IGHMBP2: variants seen among roughly 807,000 people sequenced by gnomAD.
The protein encoded by IGHMBP2 is DNA-binding protein SMUBP-2.
A neutral mutation model predicts 96.0 loss-of-function variants in IGHMBP2; 81 were observed. That is an observed-to-expected ratio of 0.84 (90% confidence interval 0.71 to 1.01). The LOEUF (loss-of-function observed/expected upper bound fraction) is 1.01. Among genes scored for constraint, IGHMBP2 ranks in the 50% least tolerant of loss-of-function variants. The probability of loss-of-function intolerance (pLI) is 0.00; values close to 1 mark genes in which losing one functional copy is unlikely to be tolerated. For synonymous variants in IGHMBP2, 557 were observed against 548.9 expected (o/e 1.01, Z -0.21); for missense variants, 1,227 against 1,306.3 (o/e 0.94, Z 0.94).
rs1225576371 is a variant in IGHMBP2, at chr11:68,936,595, A to C, written c.2115A>C (p.Glu705Asp). The C allele has an allele frequency of 6.2e-7, 1 of 1,612,908 alleles. No individual in the cohort carries two copies. The highest frequency in any genetic ancestry group is 1.1e-5 in the South Asian group (1 of 91,076). The change falls in exon 13 of 15, where the codon GAA becomes GAC. Residue 705 changes from glutamate (E) to aspartate (D), a missense_variant. By Grantham distance (45) the Glu-to-Asp change is conservative. Around this residue, in one of 3 missense-constraint regions of IGHMBP2, gnomAD observed 703 missense variants for 770.3 expected, o/e 0.91. Coordinates refer to ENST00000255078, the MANE Select transcript of IGHMBP2 (RefSeq NM_002180.3). ...KKPAGKSLAS[E>D]APSQPSLNGG... Reference sequence around the variant, plus strand: ...CGGCTGGGAAGTCTCTGGCCTCTGAAGCTCCATCTCAGCCCAGCCTCAACG... The same window carrying C: ...CGGCTGGGAAGTCTCTGGCCTCTGACGCTCCATCTCAGCCCAGCCTCAACG...
At chr11:68,929,103 G>C in intron 7 of IGHMBP2, 80 bp from the exon 8 acceptor site, 1 of 1,298,330 alleles carries the variant, frequency 7.7e-7, no homozygotes, top group Non-Finnish European at 1.1e-6. Context: ...ACCCCAGCTT[G>C]ATGGTGTCTC....
In IGHMBP2 at chr11:68,938,178, C is replaced by T. The variant is rs1859624339; in HGVS notation, c.2612-4C>T. 6.2e-7 allele frequency: 1 copy of T among 1,614,016 alleles called. No individual in the cohort carries two copies. The highest frequency in any genetic ancestry group is 8.5e-7 in the Non-Finnish European group (1 of 1,180,010). On this transcript the variant is annotated splice_polypyrimidine_tract_variant and splice_region_variant and intron_variant, in intron 13 of 14. Coordinates refer to ENST00000255078, the MANE Select transcript of IGHMBP2 (RefSeq NM_002180.3). The stretch of plus-strand genomic sequence containing the variant: ...TTTGCCTGAGTGACGCGGGTCTTCT[C>T]CAGGACATCCGGCCACAGATCTGCC...
At chr11:68,904,244 C>T (rs936943042) in intron 1 of IGHMBP2, among the ~76,000 whole-genome samples, 2 of 152,196 alleles carry the variant, frequency 1.3e-5, no homozygotes, top group African/African-American at 4.8e-5. Context: ...CGTTTGGGGA[C>T]CCTTAAGAAG....
chr11:68,913,379 C>T (rs753645811), intron 5 of IGHMBP2, among the ~76,000 whole-genome samples: 16 of 152,058 alleles, frequency 1.1e-4, no homozygotes, highest in Non-Finnish European at 1.5e-4. Context: ...GGGTTGGAGG[C>T]GATGCTGGGC....
intron 11 of IGHMBP2, 25 bp downstream of exon 11, chr11:68,934,583 C>CG (rs1453809773): frequency 6.5e-7 from 1 of 1,533,736 alleles, no homozygotes; most frequent in African/African-American, 1.4e-5. Flanking sequence ...TTTTGTCCCT[C>CG]TACAGAGCAG....
At chr11:68,916,338 G>A (rs1304453912) in intron 6 of IGHMBP2, among the ~76,000 whole-genome samples, 2 of 152,158 alleles carry the variant, frequency 1.3e-5, no homozygotes, top group African/African-American at 4.8e-5. Flanking sequence ...GAGGACACCA[G>A]TCGGCTGGAG....
chr11:68,925,142 C>CTTT (rs921409570), intron 7 of IGHMBP2, among the ~76,000 whole-genome samples: 48 of 108,674 alleles, frequency 4.4e-4, no homozygotes, highest in Non-Finnish European at 6.5e-4. Context: ...AGTCCAGGTT[C>CTTT]TTTTTTTTTT....
chr11:68,916,306 A>C (rs17149462), intron 6 of IGHMBP2, among the ~76,000 whole-genome samples: 6,761 of 152,270 alleles, frequency 0.044, 199 homozygotes, highest in Middle Eastern at 0.071. Flanking sequence ...CTTTCCGTCC[A>C]TTCCACCTTC....
chr11:68,906,047 A>G (rs576739491), intron 1 of IGHMBP2, 22 bp from the exon 2 acceptor site: 2 of 1,612,752 alleles, frequency 1.2e-6, no homozygotes, highest in East Asian at 2.2e-5. Flanking sequence ...ATCCTGAAGC[A>G]TCAATACCGG....
In IGHMBP2 at chr11:68,906,158, T is replaced by C; in HGVS notation, c.176T>C (p.Leu59Pro). The change falls in exon 2 of 15, where the codon CTG becomes CCG. Residue 59 changes from leucine (L) to proline (P), a missense_variant. Coordinates refer to ENST00000255078, the MANE Select transcript of IGHMBP2 (RefSeq NM_002180.3). ...CAGGTATCCAGCCAGCGCACTGGGC[T>C]GTACGGACGGCTGCTGGTCACCTTT... ...KLQVSSQRTG[L>P]YGRLLVTFEP... 6.2e-7 allele frequency: 1 copy of C among 1,614,196 alleles called. No individual in the cohort carries two copies. Among genetic ancestry groups the C allele is most frequent in the South Asian group, 1.1e-5 (1 of 91,082 alleles).
At position 68,933,479 on chromosome 11, in the gene IGHMBP2, G is replaced by A; in HGVS notation, c.1416G>A (p.Leu472=). The A allele has an allele frequency of 1.2e-6, 2 of 1,611,622 alleles. No individual in the cohort carries two copies. The highest frequency in any genetic ancestry group is 8.5e-7 in the Non-Finnish European group (1 of 1,179,274). Residue 472 remains leucine (L), a splice_region_variant and synonymous_variant, in exon 9 of 15, where the codon CTG becomes CTA. Transcript: ENST00000255078. ...TAHSSVARHL[L]RDLPGVAATE... The stretch of plus-strand genomic sequence containing the variant: ...ACTCTTCCGTGGCAAGGCACCTCCT[G>A]AGGTGAGTAGCTCGGCACCACCCGC...
chr11:68,914,589 A>T lies in IGHMBP2; in HGVS notation c.712-234A>T, dbSNP rs114818410. Among the ~76,000 whole-genome samples the T allele has an allele frequency of 2.3e-3, 357 of 152,240 alleles. 2 individuals are homozygous for T. Among genetic ancestry groups the T allele is most frequent in the African/African-American group, 8.3e-3 (344 of 41,554 alleles). On this transcript the variant is annotated intron_variant, in intron 5 of 14. Transcript: ENST00000255078. Reference sequence around the variant, plus strand: ...GGCTTATGTTAACCAACTCAATTAGATCCCCTTCCTTGTCACAAGGACAGA... The same window carrying T: ...GGCTTATGTTAACCAACTCAATTAGTTCCCCTTCCTTGTCACAAGGACAGA...
intron 7 of IGHMBP2, chr11:68,926,266 CTTT>C (rs58973076): frequency 0.13 from 12,675 of 101,242 alleles, 749 homozygotes; most frequent in East Asian, 0.26. Flanking sequence ...CTGTGTGGTG[CTTT>C]TTTTTTTTTT....
intron 5 of IGHMBP2, among the ~76,000 whole-genome samples, chr11:68,911,972 C>T (rs973117199): frequency 6.6e-6 from 1 of 152,234 alleles, no homozygotes; most frequent in Non-Finnish European, 1.5e-5. Context: ...CGGTCTGTGC[C>T]CGTCAGGAGC....
At chr11:68,921,852 T>C (rs1485085535) in intron 7 of IGHMBP2, among the ~76,000 whole-genome samples, 4 of 152,220 alleles carry the variant, frequency 2.6e-5, no homozygotes, top group Non-Finnish European at 5.9e-5. Flanking sequence ...TCTGAAAATA[T>C]CTTGTTTCAC....
At chr11:68,938,505 C>A in intron 14 of IGHMBP2, 151 bp downstream of exon 14, 1 of 706,366 alleles carries the variant, frequency 1.4e-6, no homozygotes, top group Non-Finnish European at 2.3e-6. Context: ...CAGACACTGA[C>A]TCATGATCGG....
chr11:68,917,334 A>T (rs911857593), intron 6 of IGHMBP2, among the ~76,000 whole-genome samples: 2 of 152,120 alleles, frequency 1.3e-5, no homozygotes, highest in African/African-American at 4.8e-5. Context: ...GGTTGAAAAA[A>T]TTTTTTTTAA....
In IGHMBP2 at chr11:68,934,445, G is replaced by A. The variant is rs199911239; in HGVS notation, c.1538-19G>A. 2.0e-5 allele frequency: 31 copies of A among 1,584,308 alleles called. No homozygotes were observed. In the East Asian group the frequency reaches 2.3e-4, roughly 12 times the overall value. On this transcript the variant is annotated intron_variant, in intron 10 of 14. Coordinates refer to ENST00000255078, the MANE Select transcript of IGHMBP2 (RefSeq NM_002180.3). ...TGGGGCGACCTTGTGCTGCTCACCC[G>A]TTCTTTCTTTCCCTCCAGGCGAAGT...
At chr11:68,929,607 T>TGGGCTGTCCTTGGACAAGTCCCTG in intron 8 of IGHMBP2, 1 of 438,434 alleles carries the variant, frequency 2.3e-6, no homozygotes, top group Non-Finnish European at 3.0e-6. Flanking sequence ...GCCTGGCACG[T>TGGGCTGTCCTTGGACAAGTCCCTG]TTCTGGTGTT....
Sources: allele counts gnomAD v4.1 joint callset (sites outside exome capture counted in the v4.1 genomes callset), GRCh38; gene constraint gnomAD v4.1.1; regional missense constraint gnomAD v4.1.1; transcripts MANE v1.5; gene names NCBI Gene and HGNC (gene_info 2026-07-23, HGNC 2026-07-21).